Variants in HS6ST3 observed in about 807,000 individuals in gnomAD.
HS6ST3 encodes heparan sulfate 6-O-sulfotransferase 3.
Under a neutral mutation model 36.7 loss-of-function variants are expected in HS6ST3, and 12 were observed. The observed-to-expected ratio is 0.33, with a 90% CI of 0.21 to 0.53. HS6ST3 has a LOEUF of 0.53. Among genes scored for constraint, HS6ST3 ranks in the 20% least tolerant of loss-of-function variants. HS6ST3 has a pLI of 0.95. For missense variants in HS6ST3, 584 were observed against 640.9 expected (o/e 0.91, Z 0.96); for synonymous variants, 240 against 257.5 (o/e 0.93, Z 0.65).
At chr13:96,792,467 T>C (rs1379801376) in intron 1 of HS6ST3, among the ~76,000 whole-genome samples, 1 of 151,904 alleles carries the variant, frequency 6.6e-6, no homozygotes, top group Non-Finnish European at 1.5e-5. Flanking sequence ...CCCTTGGAAA[T>C]TGCTGATCTC....
intron 1 of HS6ST3, among the ~76,000 whole-genome samples, chr13:96,407,506 A>G (rs545455334): frequency 6.6e-5 from 10 of 152,312 alleles, no homozygotes; most frequent in African/African-American, 2.4e-4. Context: ...TATTGGACAC[A>G]TATTAGGGGC....
At chr13:96,510,570 C>T (rs943212629) in intron 1 of HS6ST3, among the ~76,000 whole-genome samples, 1 of 152,230 alleles carries the variant, frequency 6.6e-6, no homozygotes, top group African/African-American at 2.4e-5. Context: ...ATGATGCCCA[C>T]TCTGTGAGAT....
In HS6ST3 at chr13:96,142,520, G is replaced by A. The variant is rs374757955; in HGVS notation, c.707+50951G>A. Among the ~76,000 whole-genome samples the A allele has an allele frequency of 2.0e-5, 3 of 152,112 alleles. No individual in the cohort carries two copies. In the East Asian group the frequency reaches 5.8e-4, roughly 29 times the overall value. On this transcript the variant is annotated intron_variant, in intron 1 of 1. Coordinates refer to ENST00000376705, the MANE Select transcript of HS6ST3 (RefSeq NM_153456.4). ...GCTCTCCACCAAAGTGTAAATGGATGCTATCATATTCAATCTAGTAGTAAT... is the reference window on the plus strand; with the variant it reads ...GCTCTCCACCAAAGTGTAAATGGATACTATCATATTCAATCTAGTAGTAAT...
chr13:96,233,358 G>T (rs1366935841), intron 1 of HS6ST3, among the ~76,000 whole-genome samples: 3 of 152,150 alleles, frequency 2.0e-5, no homozygotes, highest in African/African-American at 7.2e-5. Context: ...TGCATCATTG[G>T]TTCTTTTTGT....
intron 1 of HS6ST3, among the ~76,000 whole-genome samples, chr13:96,166,788 A>T (rs1306923073): frequency 1.3e-5 from 2 of 152,026 alleles, no homozygotes; most frequent in Non-Finnish European, 2.9e-5. Flanking sequence ...CTCACTGTGA[A>T]TCCTAGTTCC....
intron 1 of HS6ST3, among the ~76,000 whole-genome samples, chr13:96,763,799 T>C (rs1306340627): frequency 6.6e-6 from 1 of 152,074 alleles, no homozygotes; most frequent in African/African-American, 2.4e-5. Context: ...ATAAGTCCTA[T>C]ATGAAACATC....
chr13:96,221,269 C>T (rs979571063), intron 1 of HS6ST3, among the ~76,000 whole-genome samples: 1 of 152,132 alleles, frequency 6.6e-6, no homozygotes, highest in Non-Finnish European at 1.5e-5. Flanking sequence ...GTACATATGA[C>T]TATTATTCAA....
intron 1 of HS6ST3, among the ~76,000 whole-genome samples, chr13:96,616,839 T>A (rs767315805): frequency 6.6e-6 from 1 of 152,230 alleles, no homozygotes; most frequent in Non-Finnish European, 1.5e-5. Context: ...CCTTTGCACC[T>A]GGTAGGTGTC....
intron 1 of HS6ST3, among the ~76,000 whole-genome samples, chr13:96,412,579 G>A (rs1256140692): frequency 1.3e-5 from 2 of 152,132 alleles, no homozygotes; most frequent in African/African-American, 2.4e-5. Flanking sequence ...TGGACAGAGA[G>A]CTAAGAGAAG....
chr13:96,219,498 C>A (rs185009778), intron 1 of HS6ST3, among the ~76,000 whole-genome samples: 9 of 152,260 alleles, frequency 5.9e-5, no homozygotes, highest in African/African-American at 1.9e-4. Flanking sequence ...AGAGGCAGAA[C>A]CCCATCTAAA....
intron 1 of HS6ST3, among the ~76,000 whole-genome samples, chr13:96,424,069 T>A (rs1160197199): frequency 6.6e-6 from 1 of 152,196 alleles, no homozygotes; most frequent in Admixed American, 6.5e-5. Flanking sequence ...GTGTTTCCCA[T>A]AAAGCATCAT....
intron 1 of HS6ST3, among the ~76,000 whole-genome samples, chr13:96,201,235 C>T (rs2054340501): frequency 2.0e-5 from 3 of 152,046 alleles, no homozygotes; most frequent in African/African-American, 7.2e-5. Flanking sequence ...TCCAAGGAAG[C>T]TTGGCCTGCA....
chr13:96,332,397 A>ATC (rs1053135637), intron 1 of HS6ST3, among the ~76,000 whole-genome samples: 1 of 152,130 alleles, frequency 6.6e-6, no homozygotes, highest in Non-Finnish European at 1.5e-5. Flanking sequence ...CTTTGAGAAA[A>ATC]TCTTATCTTT....
intron 1 of HS6ST3, among the ~76,000 whole-genome samples, chr13:96,548,673 G>A (rs1293077081): frequency 6.6e-6 from 1 of 152,160 alleles, no homozygotes; most frequent in Non-Finnish European, 1.5e-5. Flanking sequence ...TCCAAAATCT[G>A]CAGAGCCAGC....
intron 1 of HS6ST3, among the ~76,000 whole-genome samples, chr13:96,466,011 G>A (rs1210853495): frequency 2.6e-5 from 4 of 151,914 alleles, no homozygotes; most frequent in South Asian, 2.1e-4. Flanking sequence ...TGTCCGGCAC[G>A]GTGGCTCACG....
rs1235529513 is a variant in HS6ST3, at chr13:96,836,332, G to T, written c.*3134G>T. ...GACAACTTTGTGTATATGTGCACGT[G>T]TGTGGTGTGTGTGTGTTTTATTAAG... On this transcript the variant is annotated 3_prime_UTR_variant, in exon 2 of 2. Coordinates refer to ENST00000376705, the MANE Select transcript of HS6ST3 (RefSeq NM_153456.4). The T allele has an allele frequency of 6.6e-6, 1 of 152,198 alleles. No individual in the cohort carries two copies. The highest frequency in any genetic ancestry group is 2.4e-5 in the African/African-American group (1 of 41,446). The allele number at this position is 152,198 out of a possible 1,614,324, so 9.4% of individuals were successfully genotyped here.
At chr13:96,799,351 C>G (rs979496960) in intron 1 of HS6ST3, among the ~76,000 whole-genome samples, 3 of 152,064 alleles carry the variant, frequency 2.0e-5, no homozygotes, top group Non-Finnish European at 4.4e-5. Context: ...TTGCATTTCT[C>G]TGATGGCCAG....
chr13:96,580,392 GT>G (rs5805981), intron 1 of HS6ST3, among the ~76,000 whole-genome samples: 2 of 148,026 alleles, frequency 1.4e-5, no homozygotes, highest in African/African-American at 2.5e-5. Flanking sequence ...TCAACACTTT[GT>G]TTTTTTTTTT....
chr13:96,760,036 T>C, intron 1 of HS6ST3, among the ~76,000 whole-genome samples: 1 of 152,074 alleles, frequency 6.6e-6, no homozygotes. Flanking sequence ...TTCACCTTGT[T>C]TTCTTAAAAA....
Sources: gnomAD v4.1 joint callset for allele counts (sites outside exome capture counted in the v4.1 genomes callset) on GRCh38, gnomAD v4.1.1 for gene constraint, MANE v1.5 for transcripts, NCBI Gene and HGNC (gene_info 2026-07-23, HGNC 2026-07-21) for gene names.